Variants in LTBP1 observed in about 807,000 individuals in gnomAD.
LTBP1 encodes the protein latent-transforming growth factor beta-binding protein 1.
LTBP1 carries 129 observed loss-of-function variants against 207.6 expected under a neutral mutation model. The ratio of observed to expected loss-of-function variants is 0.62; its 90% CI spans 0.54 to 0.72. LTBP1 has a LOEUF of 0.72. LTBP1 is among the 30% of genes least tolerant of loss of function. The pLI is 0.00. For synonymous variants in LTBP1, 963 were observed against 833.7 expected (o/e 1.16, Z -2.67); for missense variants, 2,281 against 2,217.2 (o/e 1.03, Z -0.58).
rs180911686 is a variant in LTBP1 at position 33,025,958 on chromosome 2, A to G, written c.863+4752A>G. Among the ~76,000 whole-genome samples, 257 of 152,268 alleles carry G rather than the reference A, an allele frequency of 1.7e-3. 1 individual carries two copies. The highest frequency in any genetic ancestry group is 5.9e-3 in the African/African-American group (246 of 41,554). Reference sequence around the variant, plus strand: ...ACCTAATGCTATGATATCTCCAAGGATGGAAGAACTTCTGGGATATTCCTT... The same window carrying G: ...ACCTAATGCTATGATATCTCCAAGGGTGGAAGAACTTCTGGGATATTCCTT... On this transcript the variant is annotated intron_variant, in intron 3 of 33. Transcript: ENST00000404816.
chr2:33,174,063 A>G (rs1312294440), intron 5 of LTBP1, among the ~76,000 whole-genome samples: 2 of 142,724 alleles, frequency 1.4e-5, no homozygotes, highest in Non-Finnish European at 3.1e-5. Context: ...TGAATGGGCA[A>G]AAACTGGAAG....
intron 5 of LTBP1, among the ~76,000 whole-genome samples, chr2:33,181,047 G>T (rs1391017292): frequency 6.6e-6 from 1 of 152,166 alleles, no homozygotes; most frequent in African/African-American, 2.4e-5. Context: ...ATGGAGGTTT[G>T]TTTTCCCTGC....
intron 3 of LTBP1, among the ~76,000 whole-genome samples, chr2:33,078,675 A>C (rs1458379252): frequency 6.6e-6 from 1 of 152,180 alleles, no homozygotes; most frequent in African/African-American, 2.4e-5. Flanking sequence ...GCTTGAGTTA[A>C]TTTTAATGAA....
At chr2:33,285,035 CTTTTTTTT>C (rs934497674) in intron 19 of LTBP1, among the ~76,000 whole-genome samples, 3 of 120,126 alleles carry the variant, frequency 2.5e-5, no homozygotes, top group African/African-American at 9.6e-5. Context: ...GTATCACATT[CTTTTTTTT>C]TTTTTTTTTT....
At chr2:33,310,481 T>C (rs1229203095) in intron 23 of LTBP1, among the ~76,000 whole-genome samples, 2 of 152,176 alleles carry the variant, frequency 1.3e-5, no homozygotes, top group African/African-American at 2.4e-5. Flanking sequence ...TGGTATCTCT[T>C]CGAATTCTTA....
At chr2:33,058,459 G>A (rs1007483558) in intron 3 of LTBP1, among the ~76,000 whole-genome samples, 7 of 152,132 alleles carry the variant, frequency 4.6e-5, no homozygotes, top group Admixed American at 3.9e-4. Context: ...ACGTCTAAAC[G>A]TAGTACCTTC....
intron 3 of LTBP1, among the ~76,000 whole-genome samples, chr2:33,039,064 A>G (rs1283065417): frequency 6.6e-6 from 1 of 152,130 alleles, no homozygotes; most frequent in Non-Finnish European, 1.5e-5. Context: ...CAGTAGTTTC[A>G]TTTGGGCAGT....
rs150525752 is a variant in LTBP1, at chr2:33,070,769, G to A, written c.864-39813G>A. Among the ~76,000 whole-genome samples, 466 of 152,302 alleles carry A rather than the reference G, an allele frequency of 3.1e-3. 2 individuals are homozygous for A. The highest frequency in any genetic ancestry group is 0.01 in the African/African-American group (426 of 41,560). On this transcript the variant is annotated intron_variant, in intron 3 of 33. Transcript: ENST00000404816. ...TGTGCCTTTCTTGTATGTTTTCTTA[G>A]AGTGTTGAGCTCAGAGGAGACCCCA...
intron 10 of LTBP1, among the ~76,000 whole-genome samples, chr2:33,246,467 A>ACACACG (rs199727395): frequency 2.0e-5 from 3 of 150,654 alleles, no homozygotes; most frequent in South Asian, 2.1e-4. Context: ...TGGAGATCAC[A>ACACACG]CACACGCACA....
At chr2:33,098,509 T>C (rs984813277) in intron 3 of LTBP1, among the ~76,000 whole-genome samples, 1 of 152,158 alleles carries the variant, frequency 6.6e-6, no homozygotes, top group Non-Finnish European at 1.5e-5. Flanking sequence ...CTCGGCTCAC[T>C]GCAACTTCTG....
chr2:33,176,201 C>G (rs1055227606), intron 5 of LTBP1, among the ~76,000 whole-genome samples: 12 of 147,660 alleles, frequency 8.1e-5, no homozygotes, highest in African/African-American at 3.0e-4. Flanking sequence ...GAAATAAAAT[C>G]CAATTTTGAC....
At chr2:33,172,658 T>G (rs2085578975) in intron 5 of LTBP1, among the ~76,000 whole-genome samples, 1 of 152,166 alleles carries the variant, frequency 6.6e-6, no homozygotes, top group Non-Finnish European at 1.5e-5. Flanking sequence ...GCAGACCTAA[T>G]AGACATCTAC....
chr2:33,002,659 G>C (rs541630677), intron 2 of LTBP1, among the ~76,000 whole-genome samples: 1 of 152,004 alleles, frequency 6.6e-6, no homozygotes, highest in East Asian at 1.9e-4. Context: ...TGAGCACTTT[G>C]GTTTTTTTGT....
At chr2:32,951,913 A>AG (rs1485183399) in intron 2 of LTBP1, among the ~76,000 whole-genome samples, 1 of 152,180 alleles carries the variant, frequency 6.6e-6, no homozygotes, top group Admixed American at 6.5e-5. Flanking sequence ...GAATACAAAA[A>AG]CCAATGATAC....
chr2:33,310,956 G>A (rs907228153), intron 23 of LTBP1, among the ~76,000 whole-genome samples: 1 of 152,102 alleles, frequency 6.6e-6, no homozygotes, highest in African/African-American at 2.4e-5. Flanking sequence ...GAACTGTGTA[G>A]TGTATCCCAA....
At chr2:32,963,370 ATT>A (rs35409873) in intron 2 of LTBP1, among the ~76,000 whole-genome samples, 1 of 146,538 alleles carries the variant, frequency 6.8e-6, no homozygotes, top group African/African-American at 2.5e-5. Flanking sequence ...ATGCCCAGCT[ATT>A]TTTTTTTTTT....
At chr2:33,199,013 C>A (rs1313052682) in intron 7 of LTBP1, among the ~76,000 whole-genome samples, 1 of 152,034 alleles carries the variant, frequency 6.6e-6, no homozygotes, top group Non-Finnish European at 1.5e-5. Flanking sequence ...TTGGATCTTT[C>A]CTGCTTTCTC....
intron 26 of LTBP1, among the ~76,000 whole-genome samples, chr2:33,357,645 T>C (rs1380189251): frequency 6.6e-6 from 1 of 152,196 alleles, no homozygotes; most frequent in Non-Finnish European, 1.5e-5. Flanking sequence ...CCGAACTTTC[T>C]TGTTGTTACC....
At chr2:33,074,458 C>T (rs1195734053) in intron 3 of LTBP1, among the ~76,000 whole-genome samples, 7 of 152,104 alleles carry the variant, frequency 4.6e-5, no homozygotes, top group African/African-American at 1.7e-4. Context: ...AAAAAAAGGC[C>T]GGGCATGGTG....
Sources: allele counts gnomAD v4.1 joint callset (sites outside exome capture counted in the v4.1 genomes callset), GRCh38; gene constraint gnomAD v4.1.1; transcripts MANE v1.5; gene names NCBI Gene and HGNC (gene_info 2026-07-23, HGNC 2026-07-21).